Variants in BNC2 observed in about 807,000 individuals in gnomAD.
The protein encoded by BNC2 is zinc finger protein basonuclin-2.
Under a neutral mutation model 76.3 loss-of-function variants are expected in BNC2, and 20 were observed. That is an observed-to-expected ratio of 0.26 (90% CI 0.18 to 0.38). The LOEUF (loss-of-function observed/expected upper bound fraction) is 0.38. Among genes scored for constraint, BNC2 ranks in the 10% least tolerant of loss-of-function variants. BNC2 has a pLI of 1.00. For synonymous variants in BNC2, 582 were observed against 514.8 expected, an observed-to-expected ratio of 1.13 and a Z score of -1.77; for missense variants, 1,382 against 1,399.8, an observed-to-expected ratio of 0.99 and a Z score of 0.20.
rs1233205904 is a variant in BNC2, at chr9:16,415,897, A to G, written c.*3092T>C. The G allele has an allele frequency of 1.3e-5, 2 of 152,204 alleles. No individual in the cohort carries two copies. Among genetic ancestry groups the G allele is most frequent in the Non-Finnish European group, 2.9e-5 (2 of 68,040 alleles). The allele number at this position is 152,204 out of a possible 1,614,324, so 9.4% of individuals were successfully genotyped here. A position where few individuals can be genotyped will look rare whatever the true frequency, so the allele number is the denominator to read the frequency against. On this transcript the variant is annotated 3_prime_UTR_variant, in exon 7 of 7. Coordinates refer to ENST00000380672, the MANE Select transcript of BNC2 (RefSeq NM_017637.6). ...TAGTAGCAAATAGGGGAGATACTTAAAAAGTGTCAGCTGTCCAGGACTTAT... is the reference window on the plus strand; with the variant it reads ...TAGTAGCAAATAGGGGAGATACTTAGAAAGTGTCAGCTGTCCAGGACTTAT...
intron 1 of BNC2, among the ~76,000 whole-genome samples, chr9:16,842,296 T>C (rs1361263317): frequency 2.6e-5 from 4 of 152,230 alleles, no homozygotes; most frequent in Admixed American, 6.5e-5. Flanking sequence ...CATGTAGATA[T>C]AAGTATGATA....
chr9:16,727,939 T>G lies in BNC2; in HGVS notation c.188A>C (p.Lys63Thr). ...ERETQRDREP[K>T]RARDLTLRDS... Reference sequence around the variant, plus strand: ...TCTTAAAGTCAAGTCTCTTGCCCTCTTTGGCTCTCTGTCTCTCTGTGTCTC... The same window carrying G: ...TCTTAAAGTCAAGTCTCTTGCCCTCGTTGGCTCTCTGTCTCTCTGTGTCTC... Residue 63 changes from lysine to threonine, a missense_variant, in exon 3 of 7, where the codon AAG (lysine) becomes ACG (threonine). Lys to Thr is a moderately conservative substitution (Grantham distance 78). Transcript: ENST00000380672. 6.2e-7 allele frequency: 1 copy of G among 1,614,168 alleles called. No individual in the cohort carries two copies. The highest frequency in any genetic ancestry group is 2.2e-5 in the East Asian group (1 of 44,860).
At chr9:16,750,464 C>T (rs1186304619) in intron 1 of BNC2, among the ~76,000 whole-genome samples, 1 of 152,210 alleles carries the variant, frequency 6.6e-6, no homozygotes, top group Non-Finnish European at 1.5e-5. Flanking sequence ...CTACTTTTGC[C>T]TTGCATTACG....
At chr9:16,503,214 C>T (rs59485221) in intron 5 of BNC2, among the ~76,000 whole-genome samples, 11,145 of 152,132 alleles carry the variant, frequency 0.073, 1,253 homozygotes, top group African/African-American at 0.24. Flanking sequence ...ACAATTTTGT[C>T]CCAAAACGTT....
At chr9:16,619,025 C>T (rs1820789245) in intron 3 of BNC2, among the ~76,000 whole-genome samples, 1 of 152,186 alleles carries the variant, frequency 6.6e-6, no homozygotes, top group African/African-American at 2.4e-5. Flanking sequence ...CTTTATTGAA[C>T]ACCTAAGGTA....
At chr9:16,778,602 G>T (rs1009887854) in intron 1 of BNC2, among the ~76,000 whole-genome samples, 1 of 152,172 alleles carries the variant, frequency 6.6e-6, no homozygotes, top group Non-Finnish European at 1.5e-5. Flanking sequence ...GTATTTTGCA[G>T]ATAAAAGGCT....
chr9:16,427,915 T>C (rs552005155), intron 6 of BNC2, among the ~76,000 whole-genome samples: 4 of 152,342 alleles, frequency 2.6e-5, no homozygotes, highest in African/African-American at 9.6e-5. Flanking sequence ...CATGAGAATA[T>C]AGTTTTGAAG....
At chr9:16,518,902 T>C (rs962079642) in intron 5 of BNC2, among the ~76,000 whole-genome samples, 1 of 152,192 alleles carries the variant, frequency 6.6e-6, no homozygotes, top group Non-Finnish European at 1.5e-5. Flanking sequence ...AGCCCGGCCC[T>C]AAAGTCATAT....
chr9:16,727,332 TC>T, intron 3 of BNC2: 1 of 171,114 alleles, frequency 5.8e-6, no homozygotes. Context: ...CGAAGCTGCC[TC>T]CAGCCACATG....
At chr9:16,424,766 C>G (rs1042209915) in intron 6 of BNC2, among the ~76,000 whole-genome samples, 1 of 152,220 alleles carries the variant, frequency 6.6e-6, no homozygotes, top group Admixed American at 6.5e-5. Context: ...AAATGTAAAC[C>G]TGCTATCAAA....
At chr9:16,698,322 TAA>T (rs34651454) in intron 3 of BNC2, among the ~76,000 whole-genome samples, 5,918 of 150,500 alleles carry the variant, frequency 0.039, 372 homozygotes, top group African/African-American at 0.13. Context: ...TACTGTTTAT[TAA>T]AAAAAAAAAA....
Position 16,771,819 on chromosome 9 carries a change from G to T in BNC2, c.4-33334C>A, listed in dbSNP as rs529470737. On this transcript the variant is annotated intron_variant, in intron 1 of 6. Transcript: ENST00000380672. ...AAACTCCGCCAAGAAATTCAAGACT[G>T]ATTTTATTACCCTCACAACCCTAAT... Among the ~76,000 whole-genome samples the T allele has an allele frequency of 1.7e-4, 26 of 152,266 alleles. No homozygotes were observed. In the South Asian group the frequency reaches 5.2e-3, roughly 30 times the overall value.
At position 16,436,541 on chromosome 9, in the gene BNC2, T is replaced by G. The variant is rs763083458; in HGVS notation, c.1653A>C (p.Gln551His). The change falls in exon 6 of 7, where the codon CAA becomes CAC. Residue 551 changes from glutamine (Q) to histidine (H), a missense_variant. Transcript: ENST00000380672. The part of the protein sequence containing the change: ...FTTPPLDPVL[Q>H]NPLPSQLVFS... The stretch of plus-strand genomic sequence containing the variant: ...ATACTAGCTGGCTAGGGAGAGGATT[T>G]TGCAAGACAGGGTCTAGAGGGGGAG... 6.2e-7 allele frequency: 1 copy of G among 1,613,922 alleles called. No homozygotes were observed. Among genetic ancestry groups the G allele is most frequent in the Admixed American group, 1.7e-5 (1 of 59,984 alleles).
chr9:16,808,926 A>G (rs1329325080), intron 1 of BNC2, among the ~76,000 whole-genome samples: 1 of 152,008 alleles, frequency 6.6e-6, no homozygotes, highest in Non-Finnish European at 1.5e-5. Flanking sequence ...AGAGGTACTA[A>G]TGTACTTGGC....
chr9:16,559,444 G>T (rs1337311728), intron 4 of BNC2, among the ~76,000 whole-genome samples: 1 of 152,180 alleles, frequency 6.6e-6, no homozygotes, highest in African/African-American at 2.4e-5. Context: ...TACAAACACA[G>T]TATTATTATT....
intron 4 of BNC2, among the ~76,000 whole-genome samples, chr9:16,555,367 T>A (rs1818796245): frequency 6.6e-6 from 1 of 151,916 alleles, no homozygotes; most frequent in Admixed American, 6.6e-5. Flanking sequence ...CTGTTAAGGG[T>A]ACAGAAGAAA....
intron 1 of BNC2, among the ~76,000 whole-genome samples, chr9:16,791,218 T>C (rs1289983523): frequency 2.0e-5 from 3 of 151,888 alleles, no homozygotes; most frequent in African/African-American, 4.8e-5. Context: ...CCCGCCACCA[T>C]GCCTGGCTAA....
intron 1 of BNC2, among the ~76,000 whole-genome samples, chr9:16,752,609 T>C (rs370180611): frequency 9.5e-5 from 10 of 105,006 alleles, no homozygotes; most frequent in African/African-American, 2.3e-4. Flanking sequence ...GCCTCTCAAA[T>C]TGCTAGATTT....
chr9:16,421,365 G>A (rs568004878), intron 6 of BNC2: 8 of 1,027,100 alleles, frequency 7.8e-6, no homozygotes, highest in East Asian at 6.2e-5. Context: ...GAGAGAGAGA[G>A]AAAACAAATT....
Sources: gnomAD v4.1 joint callset for allele counts (sites outside exome capture counted in the v4.1 genomes callset) on GRCh38, gnomAD v4.1.1 for gene constraint, MANE v1.5 for transcripts, NCBI Gene and HGNC (gene_info 2026-07-23, HGNC 2026-07-21) for gene names.